The following TBC1D30 variants were observed in gnomAD, a reference collection of about 807,000 sequenced individuals.
TBC1D30 encodes TBC1 domain family member 30.
A neutral mutation model predicts 63.2 loss-of-function variants in TBC1D30; 31 were observed. That is an observed-to-expected ratio of 0.49 (90% CI 0.37 to 0.66). The LOEUF is 0.66. TBC1D30 is among the 30% of genes least tolerant of loss of function. The probability of loss-of-function intolerance (pLI) is 0.00; values close to 1 mark genes in which losing one functional copy is unlikely to be tolerated. For synonymous variants in TBC1D30, 307 were observed against 361.5 expected, an observed-to-expected ratio of 0.85 and a Z score of 1.71; for missense variants, 810 against 953.6, an observed-to-expected ratio of 0.85 and a Z score of 1.98.
In TBC1D30 at chr12:64,830,468, CTGA is replaced by C; in HGVS notation, c.381_383del (p.Asp128del). On this transcript the variant is annotated inframe_deletion, in exon 4 of 12. Coordinates refer to ENST00000539867, the MANE Select transcript of TBC1D30 (RefSeq NM_015279.2). ...TTCACTTTCAATGAAAGGAGTAATC[CTGA>C]TGATGACTCCATGGGAATTCAGATA... The C allele has an allele frequency of 6.5e-7, 1 of 1,535,226 alleles. No homozygotes were observed. The highest frequency in any genetic ancestry group is 8.7e-7 in the Non-Finnish European group (1 of 1,146,304).
rs1048987902 is a variant in TBC1D30 at position 64,830,001 on chromosome 12, C to T, written c.283-376C>T. On this transcript the variant is annotated intron_variant, in intron 3 of 11. Transcript: ENST00000539867. ...ACCATGAGTGACCAGATGGCTCTTG[C>T]CTAAGTATGGAGAGCAATACAGAGC... is the stretch of plus-strand genomic sequence containing the variant. Among the ~76,000 whole-genome samples the T allele has an allele frequency of 3.9e-5, 6 of 152,148 alleles. No homozygotes were observed. The East Asian group carries it at 9.6e-4, about 24-fold the overall frequency.
intron 7 of TBC1D30, among the ~76,000 whole-genome samples, chr12:64,839,682 T>A (rs1875673832): frequency 6.6e-6 from 1 of 152,210 alleles, no homozygotes; most frequent in Non-Finnish European, 1.5e-5. Flanking sequence ...GGGAGACTTC[T>A]GGCATTTTTA....
exon 1 of TBC1D30, chr12:64,781,204 C>A: frequency 9.1e-7 from 1 of 1,101,232 alleles, no homozygotes; most frequent in Non-Finnish European, 1.1e-6. Context: ...GCGGCCGCAG[C>A]GGTGCCGGCG....
upstream of TBC1D30, among the ~76,000 whole-genome samples, chr12:64,822,613 C>T (rs1389487556): frequency 6.6e-6 from 1 of 152,046 alleles, no homozygotes; most frequent in Non-Finnish European, 1.5e-5. Context: ...ATCCTCCCAC[C>T]TCAGCCTCCT....
chr12:64,818,403 G>A, intron 2 of TBC1D30: 1 of 983,250 alleles, frequency 1.0e-6, no homozygotes, highest in South Asian at 4.7e-5. Context: ...CACAATCCTT[G>A]TGTCCTTGTC....
At chr12:64,803,216 G>T (rs1872684467) in intron 2 of TBC1D30, among the ~76,000 whole-genome samples, 1 of 152,180 alleles carries the variant, frequency 6.6e-6, no homozygotes, top group African/African-American at 2.4e-5. Flanking sequence ...GCATTTCCTT[G>T]TGGTTTTGAC....
intron 8 of TBC1D30, among the ~76,000 whole-genome samples, chr12:64,845,479 C>T (rs550846148): frequency 2.5e-4 from 38 of 152,108 alleles, no homozygotes; most frequent in African/African-American, 2.4e-4. Flanking sequence ...GTAATCCCAG[C>T]GCTTTGGGAG....
At chr12:64,806,421 T>C (rs1872873664) in intron 2 of TBC1D30, among the ~76,000 whole-genome samples, 1 of 152,144 alleles carries the variant, frequency 6.6e-6, no homozygotes, top group African/African-American at 2.4e-5. Flanking sequence ...ATTTGCTCAT[T>C]TTACAGATGA....
intron 6 of TBC1D30, 22 bp from the exon 7 acceptor site, chr12:64,838,661 G>C (rs1399140873): frequency 6.5e-7 from 1 of 1,535,940 alleles, no homozygotes; most frequent in Non-Finnish European, 8.7e-7. Flanking sequence ...TGAAGGAATT[G>C]AATGTGTTTG....
chr12:64,772,388 G>A (rs1870938859), intron 1 of TBC1D30, among the ~76,000 whole-genome samples: 1 of 152,026 alleles, frequency 6.6e-6, no homozygotes, highest in Non-Finnish European at 1.5e-5. Flanking sequence ...ACCAGACTTT[G>A]TTGGTGGCCA....
chr12:64,867,024 T>G (rs1878278509), intron 10 of TBC1D30, 121 bp downstream of exon 10: 1 of 1,142,544 alleles, frequency 8.8e-7, no homozygotes, highest in Non-Finnish European at 1.2e-6. Flanking sequence ...TTAAAAGTCT[T>G]TATTAGGCTA....
At chr12:64,798,407 C>T (rs1191045818) in intron 2 of TBC1D30, among the ~76,000 whole-genome samples, 1 of 152,074 alleles carries the variant, frequency 6.6e-6, no homozygotes, top group East Asian at 1.9e-4. Context: ...TTCACTGTAC[C>T]AGGTTTCAGC....
intron 2 of TBC1D30, among the ~76,000 whole-genome samples, chr12:64,797,201 G>T (rs1353824805): frequency 6.6e-6 from 1 of 152,020 alleles, no homozygotes; most frequent in African/African-American, 2.4e-5. Flanking sequence ...AAGCTCCCTG[G>T]GCTATTCTAA....
chr12:64,776,388 A>G (rs1393257913), upstream of TBC1D30, among the ~76,000 whole-genome samples: 1 of 152,232 alleles, frequency 6.6e-6, no homozygotes, highest in Non-Finnish European at 1.5e-5. Context: ...AAAACAGAGA[A>G]GATTCAAATA....
chr12:64,809,273 C>T (rs1873064856), intron 2 of TBC1D30, among the ~76,000 whole-genome samples: 1 of 150,462 alleles, frequency 6.6e-6, no homozygotes, highest in Admixed American at 6.6e-5. Context: ...CCCCAAGTCC[C>T]CAAAGTCCAT....
intron 8 of TBC1D30, among the ~76,000 whole-genome samples, chr12:64,845,983 C>T (rs1159150545): frequency 6.6e-6 from 1 of 152,006 alleles, no homozygotes; most frequent in Admixed American, 6.5e-5. Context: ...TTTTCATAAG[C>T]CTGTTCGTCA....
chr12:64,813,277 C>T (rs994214306), intron 2 of TBC1D30, among the ~76,000 whole-genome samples: 9 of 152,058 alleles, frequency 5.9e-5, no homozygotes, highest in South Asian at 4.2e-4. Flanking sequence ...GTAGTCCCAG[C>T]TACTCGGGAG....
In TBC1D30 at chr12:64,795,838, A is replaced by G. The variant is rs17764375; in HGVS notation, c.643+9793A>G. On this transcript the variant is annotated intron_variant, in intron 2 of 12. Coordinates refer to the TBC1D30 transcript ENST00000542120. ...TTTTTTTCAATCTTCCGTCTTACCC[A>G]GATGTGCTTTTTCCTTTTTCATAAA... Among the ~76,000 whole-genome samples the G allele has an allele frequency of 2.8e-3, 415 of 147,282 alleles. 3 individuals are homozygous for G. The highest frequency in any genetic ancestry group is 4.8e-3 in the Non-Finnish European group (322 of 67,344).
chr12:64,863,302 T>G (rs1031322142), intron 8 of TBC1D30, among the ~76,000 whole-genome samples: 2 of 152,156 alleles, frequency 1.3e-5, no homozygotes, highest in African/African-American at 4.8e-5. Flanking sequence ...ACACCCTTTA[T>G]TTTTTAAATG....
Sources: allele counts gnomAD v4.1 joint callset (sites outside exome capture counted in the v4.1 genomes callset), GRCh38; gene constraint gnomAD v4.1.1; transcripts MANE v1.5; gene names NCBI Gene and HGNC (gene_info 2026-07-23, HGNC 2026-07-21).